SLC13A3: variants seen among roughly 807,000 people sequenced by gnomAD.
SLC13A3 encodes Na(+)/dicarboxylate cotransporter 3.
SLC13A3 carries 40 observed loss-of-function variants against 59.0 expected under a neutral mutation model. The ratio of observed to expected loss-of-function variants is 0.68; its 90% CI spans 0.53 to 0.88. SLC13A3 has a LOEUF of 0.88. Among genes scored for constraint, SLC13A3 ranks in the 40% least tolerant of loss-of-function variants. The probability of loss-of-function intolerance (pLI) is 0.00; values close to 1 mark genes in which losing one functional copy is unlikely to be tolerated. For synonymous variants in SLC13A3, 317 were observed against 330.3 expected (o/e 0.96, Z 0.44); for missense variants, 699 against 783.2 (o/e 0.89, Z 1.28).
rs922992973 is a variant in SLC13A3 at position 46,651,448 on chromosome 20, C to A, written c.-27G>T. 4 of 1,406,840 alleles carry A rather than the reference C, an allele frequency of 2.8e-6. No homozygotes were observed. The highest frequency in any genetic ancestry group is 1.5e-5 in the South Asian group (1 of 66,386). The allele number at this position is 1,406,840 out of a possible 1,614,324, so 87.1% of individuals were successfully genotyped here. A position where few individuals can be genotyped will look rare whatever the true frequency, so the allele number is the denominator to read the frequency against. ...AGCGCGATCGCCTGGCGGTACGGGCCGGCCCGGGACTGCCCCGCCTGGCCC... is the reference window on the plus strand; with the variant it reads ...AGCGCGATCGCCTGGCGGTACGGGCAGGCCCGGGACTGCCCCGCCTGGCCC... On this transcript the variant is annotated 5_prime_UTR_variant, in exon 1 of 13. Coordinates refer to ENST00000279027, the MANE Select transcript of SLC13A3 (RefSeq NM_022829.6).
chr20:46,609,041 A>T, intron 3 of SLC13A3: 1 of 1,550,582 alleles, frequency 6.4e-7, no homozygotes, highest in Non-Finnish European at 8.7e-7. Flanking sequence ...CAGAGAGGAA[A>T]GTATTGGGTT....
At chr20:46,624,267 T>C (rs1212819107) in intron 1 of SLC13A3, among the ~76,000 whole-genome samples, 1 of 152,200 alleles carries the variant, frequency 6.6e-6, no homozygotes, top group East Asian at 1.9e-4. Flanking sequence ...GCAACAACAA[T>C]CACTATCACC....
intron 3 of SLC13A3, among the ~76,000 whole-genome samples, chr20:46,603,297 T>A (rs2062399239): frequency 6.6e-6 from 1 of 152,156 alleles, no homozygotes; most frequent in African/African-American, 2.4e-5. Flanking sequence ...CATAACAACA[T>A]CTCTGCCATA....
chr20:46,650,565 G>T (rs768691833), intron 1 of SLC13A3, among the ~76,000 whole-genome samples: 1 of 152,176 alleles, frequency 6.6e-6, no homozygotes, highest in Admixed American at 6.5e-5. Flanking sequence ...AGTTATAAGA[G>T]ATTTACATAT....
At chr20:46,560,232 C>G in intron 12 of SLC13A3, 34 bp from the exon 13 acceptor site, 1 of 1,586,838 alleles carries the variant, frequency 6.3e-7, no homozygotes, top group Non-Finnish European at 8.6e-7. Flanking sequence ...GAGGGGTCAG[C>G]ACCTGACCCA....
intron 1 of SLC13A3, among the ~76,000 whole-genome samples, chr20:46,668,758 T>C (rs2063074786): frequency 6.6e-6 from 1 of 152,238 alleles, no homozygotes; most frequent in African/African-American, 2.4e-5. Context: ...TAACTCTAAG[T>C]TGAAGTTCTG....
At chr20:46,613,065 A>C (rs1600560390) in intron 2 of SLC13A3, among the ~76,000 whole-genome samples, 1 of 151,782 alleles carries the variant, frequency 6.6e-6, no homozygotes, top group African/African-American at 2.4e-5. Flanking sequence ...TTTCACAGGC[A>C]GACAGAGGTT....
At position 46,584,497 on chromosome 20, in the gene SLC13A3, C is replaced by G. The variant is rs1279117962; in HGVS notation, c.1122-828G>C. The G allele has an allele frequency of 3.0e-6, 3 of 985,316 alleles. No individual in the cohort carries two copies. The African/African-American group carries it at 5.2e-5, about 17-fold the overall frequency. 61.0% of individuals were successfully genotyped at this position (985,316 alleles called of 1,614,324 possible). On this transcript the variant is annotated intron_variant, in intron 8 of 12. Coordinates refer to ENST00000279027, the MANE Select transcript of SLC13A3 (RefSeq NM_022829.6). ...CTAGAGCTCACTGCTAACCAAAGCT[C>G]TTTCCACTCACACATTTGGAAAGGA...
At chr20:46,659,723 C>CCAA (rs1555884130) in intron 1 of SLC13A3, among the ~76,000 whole-genome samples, 2 of 120,996 alleles carry the variant, frequency 1.7e-5, no homozygotes, top group Admixed American at 8.3e-5. Context: ...CCCCCCCCCC[C>CCAA]AAAAAAAAAA....
chr20:46,679,551 T>C lies in SLC13A3; in HGVS notation c.-31+4845A>G, dbSNP rs367851376. Among the ~76,000 whole-genome samples, 26 of 151,928 alleles carry C rather than the reference T, an allele frequency of 1.7e-4. 1 individual carries two copies. The highest frequency in any genetic ancestry group is 1.0e-3 in the Admixed American group (16 of 15,272). ...ATGGCGTGAACCCAGGAGGTGAAGC[T>C]TGCAGTGAGCCAAGATCAAGCCACT... On this transcript the variant is annotated intron_variant, in intron 1 of 6. Coordinates refer to the SLC13A3 transcript ENST00000372121.
intron 1 of SLC13A3, among the ~76,000 whole-genome samples, chr20:46,626,299 C>T (rs991824982): frequency 6.6e-6 from 1 of 150,424 alleles, no homozygotes; most frequent in Admixed American, 6.6e-5. Context: ...TCTCTCTCTC[C>T]TCCTCCCTCT....
intron 1 of SLC13A3, among the ~76,000 whole-genome samples, chr20:46,631,618 T>G (rs2062738383): frequency 6.6e-6 from 1 of 152,106 alleles, no homozygotes; most frequent in African/African-American, 2.4e-5. Context: ...GGTCCCCAAC[T>G]CAGCCCCGCT....
At chr20:46,583,974 G>C in intron 8 of SLC13A3, 1 of 985,362 alleles carries the variant, frequency 1.0e-6, no homozygotes, top group Admixed American at 6.1e-5. Flanking sequence ...CAGAATATTG[G>C]AGTCCTTGGA....
intron 10 of SLC13A3, among the ~76,000 whole-genome samples, chr20:46,569,682 C>G (rs1235512410): frequency 2.0e-5 from 3 of 152,194 alleles, no homozygotes; most frequent in African/African-American, 7.2e-5. Flanking sequence ...AGTGATGGAA[C>G]TCAGAAATCA....
At chr20:46,675,693 C>T (rs1239025365) in intron 1 of SLC13A3, among the ~76,000 whole-genome samples, 1 of 150,724 alleles carries the variant, frequency 6.6e-6, no homozygotes, top group Admixed American at 6.6e-5. Flanking sequence ...AGATCCTTCC[C>T]GCCTCAGCCT....
At chr20:46,627,275 C>T (rs140572290) in intron 1 of SLC13A3, among the ~76,000 whole-genome samples, 221 of 152,268 alleles carry the variant, frequency 1.5e-3, no homozygotes, top group African/African-American at 4.9e-3. Context: ...AGAAAAGTCA[C>T]GTTTTCTCAA....
chr20:46,665,636 T>TGAA (rs2063059244), intron 1 of SLC13A3, among the ~76,000 whole-genome samples: 1 of 152,234 alleles, frequency 6.6e-6, no homozygotes, highest in Non-Finnish European at 1.5e-5. Context: ...ACTTTATTAT[T>TGAA]CAATCATCAG....
At chr20:46,614,986 G>T (rs972921685) in intron 1 of SLC13A3, among the ~76,000 whole-genome samples, 9 of 152,188 alleles carry the variant, frequency 5.9e-5, no homozygotes, top group Non-Finnish European at 1.2e-4. Flanking sequence ...ACCTAGATTG[G>T]AGTGGTAGCT....
chr20:46,575,311 T>A (rs1160361760), intron 10 of SLC13A3, among the ~76,000 whole-genome samples: 1 of 152,228 alleles, frequency 6.6e-6, no homozygotes, highest in African/African-American at 2.4e-5. Flanking sequence ...CCTCGAGTCC[T>A]AGTATTATTA....
Sources: gnomAD v4.1 joint callset for allele counts (sites outside exome capture counted in the v4.1 genomes callset) on GRCh38, gnomAD v4.1.1 for gene constraint, MANE v1.5 for transcripts, NCBI Gene and HGNC (gene_info 2026-07-23, HGNC 2026-07-21) for gene names.